Variants in MYRFL observed in about 807,000 individuals in gnomAD.
MYRFL encodes myelin regulatory factor like.
Under a neutral mutation model 109.4 loss-of-function variants are expected in MYRFL, and 88 were observed. That is an observed-to-expected ratio of 0.80 (90% CI 0.68 to 0.96). MYRFL has a LOEUF of 0.96. MYRFL is among the 40% of genes least tolerant of loss of function. The probability of loss-of-function intolerance (pLI) is 0.00; values close to 1 mark genes in which losing one functional copy is unlikely to be tolerated. For missense variants in MYRFL, 957 were observed against 954.9 expected, an observed-to-expected ratio of 1.00 and a Z score of -0.03; for synonymous variants, 324 against 320.9, an observed-to-expected ratio of 1.01 and a Z score of -0.10.
At chr12:69,831,706 G>A (rs1474122828) in intron 1 of MYRFL, among the ~76,000 whole-genome samples, 1 of 152,112 alleles carries the variant, frequency 6.6e-6, no homozygotes, top group Non-Finnish European at 1.5e-5. Context: ...TCTCCGTTTA[G>A]CATCAAGGCA....
chr12:69,953,006 C>G (rs967126231), intron 21 of MYRFL, 120 bp downstream of exon 21: 2 of 622,408 alleles, frequency 3.2e-6, no homozygotes, highest in African/African-American at 3.8e-5. Flanking sequence ...TTACATTGCT[C>G]CTTAAGTGAA....
At position 69,957,802 on chromosome 12, in the gene MYRFL, CT is replaced by C; in HGVS notation, c.2451-16del. On this transcript the variant is annotated intron_variant, in intron 22 of 24. Coordinates refer to ENST00000552032, the MANE Select transcript of MYRFL (RefSeq NM_182530.3). ...GTAACTGCTTTTTCAGGTGCTCTTTCTTTTCTTTGTCTCTTGAAGCACAACA... is the reference window on the plus strand; with the variant it reads ...GTAACTGCTTTTTCAGGTGCTCTTTCTTTCTTTGTCTCTTGAAGCACAACA... The C allele has an allele frequency of 6.6e-7, 1 of 1,508,356 alleles. No homozygotes were observed. Among genetic ancestry groups the C allele is most frequent in the Non-Finnish European group, 8.9e-7 (1 of 1,127,576 alleles). 93.4% of individuals were successfully genotyped at this position (1,508,356 alleles called of 1,614,324 possible).
rs1156817796 is a variant in MYRFL at position 69,944,865 on chromosome 12, C to T, written c.2225-7248C>T. Among the ~76,000 whole-genome samples the T allele has an allele frequency of 2.6e-5, 4 of 152,062 alleles. No individual in the cohort carries two copies. The East Asian group carries it at 7.7e-4, about 29-fold the overall frequency. On this transcript the variant is annotated intron_variant, in intron 19 of 24. Transcript: ENST00000552032. ...CACGTTCTGCACATGTATCCTACAA[C>T]TTGAAGTATAATTTTAAAAAAGTGA...
At chr12:69,862,697 A>G (rs972154970) in intron 2 of MYRFL, among the ~76,000 whole-genome samples, 4 of 152,084 alleles carry the variant, frequency 2.6e-5, no homozygotes, top group African/African-American at 9.7e-5. Flanking sequence ...ATCTGCAAAC[A>G]GGGACAATCT....
chr12:69,881,172 G>A (rs1288875152), intron 5 of MYRFL, among the ~76,000 whole-genome samples: 1 of 152,120 alleles, frequency 6.6e-6, no homozygotes, highest in East Asian at 1.9e-4. Context: ...GTTTCACTAA[G>A]TTGCCCAGGC....
chr12:69,873,337 GC>G (rs1885469032), intron 2 of MYRFL, among the ~76,000 whole-genome samples: 1 of 152,166 alleles, frequency 6.6e-6, no homozygotes, highest in Admixed American at 6.5e-5. Flanking sequence ...GCTGCATGCA[GC>G]CCACGGGTGG....
chr12:69,943,246 C>A (rs953984917), intron 19 of MYRFL, among the ~76,000 whole-genome samples: 1 of 151,296 alleles, frequency 6.6e-6, no homozygotes, highest in Non-Finnish European at 1.5e-5. Context: ...GCCAAAAGAA[C>A]AAAGCTGGAG....
intron 19 of MYRFL, among the ~76,000 whole-genome samples, chr12:69,941,125 T>C (rs55680044): frequency 3.5e-3 from 117 of 33,734 alleles, no homozygotes; most frequent in Middle Eastern, 0.026. Flanking sequence ...GACAGATCAA[T>C]GAGACAGAAA....
intron 5 of MYRFL, among the ~76,000 whole-genome samples, chr12:69,881,329 G>A (rs1343696607): frequency 6.6e-6 from 1 of 152,156 alleles, no homozygotes; most frequent in African/African-American, 2.4e-5. Flanking sequence ...AACAAATTCA[G>A]CGTACCAAGT....
chr12:69,859,058 CA>C (rs1159668668), intron 2 of MYRFL, among the ~76,000 whole-genome samples: 2 of 151,716 alleles, frequency 1.3e-5, no homozygotes, highest in Non-Finnish European at 2.9e-5. Context: ...TTTTTCAGTT[CA>C]AAATACTTTC....
intron 1 of MYRFL, among the ~76,000 whole-genome samples, chr12:69,845,597 A>T (rs1289701212): frequency 6.6e-6 from 1 of 152,220 alleles, no homozygotes; most frequent in Admixed American, 6.5e-5. Flanking sequence ...AAGCCTCCAA[A>T]TTCTTTTTAT....
At chr12:69,909,396 C>T (rs183172818) in intron 11 of MYRFL, among the ~76,000 whole-genome samples, 13 of 152,266 alleles carry the variant, frequency 8.5e-5, no homozygotes, top group Non-Finnish European at 1.5e-5. Context: ...TTTTTGGTTC[C>T]TCTATCACAT....
At chr12:69,867,382 A>G (rs961529219) in intron 2 of MYRFL, among the ~76,000 whole-genome samples, 2 of 152,246 alleles carry the variant, frequency 1.3e-5, no homozygotes, top group Non-Finnish European at 2.9e-5. Flanking sequence ...AAAAGAGACT[A>G]GTAAATCTTC....
chr12:69,852,411 T>C (rs769323710), intron 1 of MYRFL, among the ~76,000 whole-genome samples: 14 of 151,778 alleles, frequency 9.2e-5, no homozygotes, highest in Non-Finnish European at 1.5e-4. Flanking sequence ...TTTCCTAGTA[T>C]ATGTATCTGC....
intron 22 of MYRFL, among the ~76,000 whole-genome samples, chr12:69,957,215 G>A (rs1956117285): frequency 6.6e-6 from 1 of 152,002 alleles, no homozygotes; most frequent in Admixed American, 6.6e-5. Flanking sequence ...AGTGATTTCT[G>A]GTAGGACTCA....
intron 19 of MYRFL, among the ~76,000 whole-genome samples, chr12:69,940,133 A>T (rs1487044997): frequency 3.3e-5 from 5 of 152,148 alleles, no homozygotes; most frequent in Non-Finnish European, 5.9e-5. Context: ...ACTCTGCAGG[A>T]TATTACCCAG....
intron 13 of MYRFL, among the ~76,000 whole-genome samples, chr12:69,919,995 C>G (rs537724814): frequency 1.3e-5 from 2 of 152,304 alleles, no homozygotes; most frequent in African/African-American, 4.8e-5. Context: ...GAGGAGAAAT[C>G]AGCTCCTCTG....
intron 1 of MYRFL, among the ~76,000 whole-genome samples, chr12:69,837,580 C>T (rs1883023419): frequency 2.0e-5 from 3 of 152,114 alleles, no homozygotes; most frequent in Admixed American, 2.0e-4. Flanking sequence ...GTGGTAAAAC[C>T]CATCTCCTTC....
At chr12:69,911,603 C>G (rs1954575449) in intron 13 of MYRFL, among the ~76,000 whole-genome samples, 2 of 152,104 alleles carry the variant, frequency 1.3e-5, no homozygotes, top group Admixed American at 6.5e-5. Flanking sequence ...GGTAATGGGT[C>G]TAAATCTGCC....
Sources: gnomAD v4.1 joint callset for allele counts (sites outside exome capture counted in the v4.1 genomes callset) on GRCh38, gnomAD v4.1.1 for gene constraint, MANE v1.5 for transcripts, NCBI Gene and HGNC (gene_info 2026-07-23, HGNC 2026-07-21) for gene names.